The following FABP12 variants were observed in gnomAD, a reference collection of about 807,000 sequenced individuals.
The protein encoded by FABP12 is fatty acid binding protein 12.
Under a neutral mutation model 13.7 loss-of-function variants are expected in FABP12, and 19 were observed. The ratio of observed to expected loss-of-function variants is 1.39; its 90% confidence interval spans 0.97 to 2.04. The LOEUF (loss-of-function observed/expected upper bound fraction) is 2.04. Ranked by LOEUF, FABP12 falls within the 30% of genes most tolerant of loss-of-function variation. The probability of loss-of-function intolerance (pLI) is 0.00; values close to 1 mark genes in which losing one functional copy is unlikely to be tolerated. For synonymous variants in FABP12, 61 were observed against 57.0 expected (o/e 1.07, Z -0.32); for missense variants, 182 against 164.2 (o/e 1.11, Z -0.59).
At chr8:81,554,804 TAAAAA>T (rs369556823) in intron 1 of FABP12, among the ~76,000 whole-genome samples, 1 of 149,928 alleles carries the variant, frequency 6.7e-6, no homozygotes, top group Non-Finnish European at 1.5e-5. Context: ...CTGATGAGCT[TAAAAA>T]AAAAATCACA....
At chr8:81,540,718 T>C (rs1439134488) in intron 1 of FABP12, among the ~76,000 whole-genome samples, 1 of 152,190 alleles carries the variant, frequency 6.6e-6, no homozygotes, top group Non-Finnish European at 1.5e-5. Context: ...ATAAAGTCTA[T>C]AGTTTAGTTG....
At chr8:81,583,052 C>A (rs1249811317) in intron 1 of FABP12, among the ~76,000 whole-genome samples, 2 of 151,996 alleles carry the variant, frequency 1.3e-5, no homozygotes, top group Non-Finnish European at 2.9e-5. Context: ...AAAAGAGAAA[C>A]ATTGAAACTA....
At chr8:81,577,992 A>C (rs1057121413) in intron 1 of FABP12, among the ~76,000 whole-genome samples, 2 of 152,220 alleles carry the variant, frequency 1.3e-5, no homozygotes, top group Non-Finnish European at 2.9e-5. Context: ...GTTTTTACTA[A>C]ATATCCCAAT....
intron 1 of FABP12, among the ~76,000 whole-genome samples, chr8:81,547,476 G>A (rs530264175): frequency 1.7e-4 from 26 of 152,272 alleles, no homozygotes; most frequent in South Asian, 8.3e-4. Context: ...ATTTTAATAA[G>A]AGAAATTTCA....
In FABP12 at chr8:81,584,332, G is replaced by A. The variant is rs79739172; in HGVS notation, c.-185+5721C>T. 6.5e-3 allele frequency among the ~76,000 whole-genome samples: 991 copies of A among 152,262 alleles called. 2 individuals carry two copies. Among genetic ancestry groups the A allele is most frequent in the Non-Finnish European group, 0.011 (773 of 68,016 alleles). On this transcript the variant is annotated intron_variant, in intron 1 of 5. Coordinates refer to the FABP12 transcript ENST00000692030. ...TCCAGGAGAGAAGCATGGAGGCACC[G>A]GCCTCTGCAGCTCCATCTTCCCCAC... is the stretch of plus-strand genomic sequence containing the variant.
intron 1 of FABP12, among the ~76,000 whole-genome samples, chr8:81,543,367 T>A (rs1485855889): frequency 2.6e-5 from 4 of 152,158 alleles, no homozygotes; most frequent in South Asian, 2.1e-4. Flanking sequence ...GACTACATCA[T>A]CTCATGCTAT....
At chr8:81,588,859 TG>T (rs1453960347) in intron 1 of FABP12, among the ~76,000 whole-genome samples, 1 of 152,234 alleles carries the variant, frequency 6.6e-6, no homozygotes, top group Non-Finnish European at 1.5e-5. Context: ...AGTCATCAGA[TG>T]AAAGCCATAT....
intron 1 of FABP12, among the ~76,000 whole-genome samples, chr8:81,554,123 A>T (rs765943446): frequency 2.6e-5 from 4 of 152,218 alleles, no homozygotes; most frequent in African/African-American, 4.8e-5. Context: ...ATGCCAGTTT[A>T]TGATACAGCT....
intron 1 of FABP12, among the ~76,000 whole-genome samples, chr8:81,549,997 T>C (rs1809498973): frequency 6.6e-6 from 1 of 152,226 alleles, no homozygotes; most frequent in Non-Finnish European, 1.5e-5. Context: ...TACTCTGTTA[T>C]AGCTATGGAG....
upstream of FABP12, among the ~76,000 whole-genome samples, chr8:81,537,905 A>G (rs2129977442): frequency 6.6e-6 from 1 of 152,172 alleles, no homozygotes; most frequent in Admixed American, 6.5e-5. Context: ...ATTGTGTTTG[A>G]CCATTTTTGT....
At chr8:81,526,980 T>C in intron 4 of FABP12, 40 bp downstream of exon 4, 11 of 1,150,760 alleles carry the variant, frequency 9.6e-6, no homozygotes, top group Non-Finnish European at 1.4e-5. Context: ...ATATTAGTCG[T>C]TGCAGAAGGT....
chr8:81,525,024 TG>T, exon 5 of FABP12: 1 of 1,538,522 alleles, frequency 6.5e-7, no homozygotes, highest in Non-Finnish European at 8.9e-7. Context: ...CTCAGTAGTT[TG>T]GATGACAGCT....
rs180932293 is a variant in FABP12 at position 81,546,728 on chromosome 8, C to T, written c.-184-6985G>A. Among the ~76,000 whole-genome samples, 72 of 152,302 alleles carry T rather than the reference C, an allele frequency of 4.7e-4. 1 individual carries two copies. The highest frequency in any genetic ancestry group is 3.1e-4 in the Non-Finnish European group (21 of 68,012). On this transcript the variant is annotated intron_variant, in intron 1 of 5. Transcript: ENST00000692030. The stretch of plus-strand genomic sequence containing the variant: ...AGGTTTAATGTATATAGTAGCCCCA[C>T]ATACAGATTTTCCTGTGTCGTTTTT...
At position 81,562,877 on chromosome 8, in the gene FABP12, T is replaced by C. The variant is rs570603156; in HGVS notation, c.-184-23134A>G. On this transcript the variant is annotated intron_variant, in intron 1 of 5. Transcript: ENST00000692030. Reference sequence around the variant, plus strand: ...ACCTAAGGAGAGGATACAAGCCTGGTTGGCTTCACAACCTCTCATCATAAG... The same window carrying C: ...ACCTAAGGAGAGGATACAAGCCTGGCTGGCTTCACAACCTCTCATCATAAG... 6.6e-5 allele frequency among the ~76,000 whole-genome samples: 10 copies of C among 152,340 alleles called. No individual in the cohort carries two copies. The East Asian group carries it at 1.2e-3, about 18-fold the overall frequency.
chr8:81,547,865 T>A (rs1412097445), intron 1 of FABP12, among the ~76,000 whole-genome samples: 1 of 152,164 alleles, frequency 6.6e-6, no homozygotes, highest in East Asian at 1.9e-4. Flanking sequence ...CCATCATTAT[T>A]GATATAGGTA....
At chr8:81,529,208 C>A (rs1250276916) in intron 3 of FABP12, among the ~76,000 whole-genome samples, 5 of 152,162 alleles carry the variant, frequency 3.3e-5, no homozygotes, top group Non-Finnish European at 5.9e-5. Flanking sequence ...GCGTCTGCAT[C>A]AGATTCATTA....
chr8:81,573,622 T>C (rs1157098671), intron 1 of FABP12, among the ~76,000 whole-genome samples: 1 of 152,222 alleles, frequency 6.6e-6, no homozygotes, highest in Admixed American at 6.5e-5. Context: ...GGCTATGATT[T>C]CTTTCAGCAG....
At chr8:81,549,479 CG>C (rs1182245016) in intron 1 of FABP12, among the ~76,000 whole-genome samples, 1 of 152,134 alleles carries the variant, frequency 6.6e-6, no homozygotes, top group African/African-American at 2.4e-5. Context: ...CAGTGTATAG[CG>C]TTGGTCAATC....
At chr8:81,531,500 G>A (rs886156417) in intron 1 of FABP12, 110 bp from the exon 2 acceptor site, 1 of 522,192 alleles carries the variant, frequency 1.9e-6, no homozygotes, top group African/African-American at 2.0e-5. Context: ...AAGCAGAAAA[G>A]CTTTCTTAAA....
Sources: allele counts gnomAD v4.1 joint callset (sites outside exome capture counted in the v4.1 genomes callset), GRCh38; gene constraint gnomAD v4.1.1; transcripts MANE v1.5; gene names NCBI Gene and HGNC (gene_info 2026-07-23, HGNC 2026-07-21).